The following ARHGAP10 variants were observed in gnomAD, a reference collection of about 807,000 sequenced individuals.
The protein encoded by ARHGAP10 is rho GTPase-activating protein 10.
Under a neutral mutation model 108.6 loss-of-function variants are expected in ARHGAP10, and 87 were observed. That is an observed-to-expected ratio of 0.80 (90% confidence interval 0.67 to 0.96). The LOEUF is 0.96. Ranked by LOEUF, ARHGAP10 falls within the 40% of genes least tolerant of loss-of-function variation. The pLI, the probability that ARHGAP10 is intolerant of heterozygous loss-of-function variation, is 0.00. For synonymous variants in ARHGAP10, 347 were observed against 341.1 expected, an observed-to-expected ratio of 1.02 and a Z score of -0.19; for missense variants, 939 against 954.5, an observed-to-expected ratio of 0.98 and a Z score of 0.21.
At chr4:147,820,572 C>A (rs1732447507) in intron 1 of ARHGAP10, among the ~76,000 whole-genome samples, 1 of 145,260 alleles carries the variant, frequency 6.9e-6, no homozygotes, top group Non-Finnish European at 1.5e-5. Flanking sequence ...CGTGGGCTAC[C>A]TCGGCCAGTT....
chr4:147,986,088 G>C, intron 18 of ARHGAP10, among the ~76,000 whole-genome samples: 1 of 152,284 alleles, frequency 6.6e-6, no homozygotes, highest in South Asian at 2.1e-4. Flanking sequence ...TGAGGTATGC[G>C]GAAAGCCTCT....
At chr4:147,939,771 G>A in intron 13 of ARHGAP10, 54 bp from the exon 14 acceptor site, 1 of 1,470,052 alleles carries the variant, frequency 6.8e-7, no homozygotes, top group African/African-American at 1.4e-5. Context: ...CTGTTTGATG[G>A]CTTTTAAAAT....
intron 4 of ARHGAP10, among the ~76,000 whole-genome samples, chr4:147,852,576 C>G (rs955523295): frequency 2.6e-5 from 4 of 151,838 alleles, no homozygotes; most frequent in African/African-American, 7.3e-5. Flanking sequence ...CCTCACTTAA[C>G]ATTATCAGTA....
chr4:147,762,499 CTTATTTATTTATTTATTTATTT>C (rs1729629499), intron 1 of ARHGAP10, among the ~76,000 whole-genome samples: 2 of 147,974 alleles, frequency 1.4e-5, no homozygotes, highest in Non-Finnish European at 3.0e-5. Flanking sequence ...AAGATAATTG[CTTATTTATTTATTTATTTATTT>C]TTATTTATTT....
chr4:147,893,465 ATAC>A (rs1735869327), intron 10 of ARHGAP10, among the ~76,000 whole-genome samples: 1 of 147,660 alleles, frequency 6.8e-6, no homozygotes, highest in African/African-American at 2.5e-5. Flanking sequence ...TCTATATATA[ATAC>A]TATTCTATAT....
chr4:147,825,305 C>T (rs1732663049), intron 3 of ARHGAP10, among the ~76,000 whole-genome samples: 2 of 152,022 alleles, frequency 1.3e-5, no homozygotes, highest in Non-Finnish European at 2.9e-5. Flanking sequence ...CAAAAATTAG[C>T]TGGGTGTTGT....
chr4:147,987,443 T>G (rs1740087887), intron 18 of ARHGAP10, among the ~76,000 whole-genome samples: 2 of 152,196 alleles, frequency 1.3e-5, no homozygotes, highest in Non-Finnish European at 2.9e-5. Context: ...TCTGGGTCCC[T>G]CCTCAGTCTG....
At chr4:147,982,116 C>G (rs113576908) in intron 18 of ARHGAP10, among the ~76,000 whole-genome samples, 7,990 of 152,270 alleles carry the variant, frequency 0.052, 227 homozygotes, top group African/African-American at 0.066. Context: ...TGGGTCACTG[C>G]AGCTTTGACT....
At chr4:148,060,642 C>T (rs538973249) in intron 20 of ARHGAP10, among the ~76,000 whole-genome samples, 1 of 151,634 alleles carries the variant, frequency 6.6e-6, no homozygotes, top group South Asian at 2.1e-4. Context: ...TCCATAGACA[C>T]TGTCTCCAGC....
At chr4:147,937,067 TC>T (rs767898083) in intron 13 of ARHGAP10, among the ~76,000 whole-genome samples, 9 of 151,604 alleles carry the variant, frequency 5.9e-5, no homozygotes, top group Non-Finnish European at 1.3e-4. Context: ...TCTGAAACCA[TC>T]CCCCCCACCC....
chr4:147,896,123 G>A (rs1418210391), intron 10 of ARHGAP10, among the ~76,000 whole-genome samples: 5 of 152,022 alleles, frequency 3.3e-5, no homozygotes, highest in African/African-American at 9.7e-5. Flanking sequence ...GCTAGTATTC[G>A]GTTAAGGATT....
chr4:147,848,791 T>A (rs1302136464), intron 4 of ARHGAP10, among the ~76,000 whole-genome samples: 1 of 152,228 alleles, frequency 6.6e-6, no homozygotes, highest in Admixed American at 6.5e-5. Context: ...TTCTATTGAC[T>A]CATTTTCCCC....
chr4:147,784,175 ATTTT>A, intron 1 of ARHGAP10, among the ~76,000 whole-genome samples: 11 of 90,276 alleles, frequency 1.2e-4, no homozygotes, highest in Admixed American at 1.9e-4. Flanking sequence ...TGTATTATAT[ATTTT>A]ACATAACATT....
rs946440643 is a variant in ARHGAP10 at position 147,911,483 on chromosome 4, C to T, written c.1163-1591C>T. Among the ~76,000 whole-genome samples, 5 of 152,330 alleles carry T rather than the reference C, an allele frequency of 3.3e-5. No homozygotes were observed. In the South Asian group the frequency reaches 1.0e-3, roughly 32 times the overall value. ...GTTCACTCCGTTTTCCTGTCTCAAC[C>T]TCCCGAGTAACTGGGACTACAGGTG... On this transcript the variant is annotated intron_variant, in intron 12 of 22. Coordinates refer to ENST00000336498, the MANE Select transcript of ARHGAP10 (RefSeq NM_024605.4).
chr4:147,855,512 T>G (rs1402446003), intron 4 of ARHGAP10, among the ~76,000 whole-genome samples: 1 of 151,900 alleles, frequency 6.6e-6, no homozygotes, highest in Non-Finnish European at 1.5e-5. Flanking sequence ...AACAAAAGAG[T>G]GACTATTAAG....
At chr4:148,057,683 G>A (rs2149686613) in intron 20 of ARHGAP10, among the ~76,000 whole-genome samples, 1 of 152,318 alleles carries the variant, frequency 6.6e-6, no homozygotes, top group Middle Eastern at 3.4e-3. Context: ...AGCCCTCCTG[G>A]CTATCCCCAT....
chr4:147,764,127 A>G (rs1249873367), intron 1 of ARHGAP10, among the ~76,000 whole-genome samples: 1 of 152,158 alleles, frequency 6.6e-6, no homozygotes, highest in Non-Finnish European at 1.5e-5. Flanking sequence ...GGTTTCCTGG[A>G]AGGTAGGACG....
intron 19 of ARHGAP10, among the ~76,000 whole-genome samples, chr4:148,037,940 A>G (rs1446798513): frequency 6.6e-6 from 1 of 152,018 alleles, no homozygotes; most frequent in East Asian, 1.9e-4. Flanking sequence ...GAAGCTTTTC[A>G]CCAGCTCCTA....
intron 1 of ARHGAP10, among the ~76,000 whole-genome samples, chr4:147,742,869 A>G (rs1270679404): frequency 6.7e-6 from 1 of 149,994 alleles, no homozygotes; most frequent in Admixed American, 6.7e-5. Flanking sequence ...GAAATCATCC[A>G]TAATAGTGTT....
Sources: gnomAD v4.1 joint callset for allele counts (sites outside exome capture counted in the v4.1 genomes callset) on GRCh38, gnomAD v4.1.1 for gene constraint, MANE v1.5 for transcripts, NCBI Gene and HGNC (gene_info 2026-07-23, HGNC 2026-07-21) for gene names.